Variants in CNTNAP2 observed in about 807,000 individuals in gnomAD.
The protein encoded by CNTNAP2 is contactin associated protein 2.
Under a neutral mutation model 155.2 loss-of-function variants are expected in CNTNAP2, and 98 were observed. That is an observed-to-expected ratio of 0.63 (90% CI 0.54 to 0.75). CNTNAP2 has a LOEUF of 0.75. Among genes scored for constraint, CNTNAP2 ranks in the 30% least tolerant of loss-of-function variants. The pLI is 0.00. For missense variants in CNTNAP2, 1,727 were observed against 1,688.1 expected (o/e 1.02, Z -0.40); for synonymous variants, 651 against 631.2 (o/e 1.03, Z -0.47).
Position 148,101,350 on chromosome 7 carries a change from A to AGTGTGT in CNTNAP2, c.2384-16730_2384-16725dup, listed in dbSNP as rs4015917. 5.2e-3 allele frequency among the ~76,000 whole-genome samples: 752 copies of AGTGTGT among 144,430 alleles called. 6 individuals are homozygous for AGTGTGT. The highest frequency in any genetic ancestry group is 0.016 in the African/African-American group (630 of 38,580). The allele number at this position is 144,430 out of a possible 152,430, so 94.8% of individuals were successfully genotyped here. On this transcript the variant is annotated intron_variant, in intron 15 of 23. Coordinates refer to ENST00000361727, the MANE Select transcript of CNTNAP2 (RefSeq NM_014141.6). Reference sequence around the variant, plus strand: ...ATGGAAGCACAAAACTAAAAAGTTCAGTGTGTGTGTGTGTGTGTGTGTGTG... The same window carrying AGTGTGT: ...ATGGAAGCACAAAACTAAAAAGTTCAGTGTGTGTGTGTGTGTGTGTGTGTGTGTGTG...
intron 8 of CNTNAP2, among the ~76,000 whole-genome samples, chr7:147,211,634 A>G (rs1296336717): frequency 2.0e-5 from 3 of 152,212 alleles, no homozygotes; most frequent in Middle Eastern, 6.8e-3. Context: ...TCTGCCTTTC[A>G]CCATATACAA....
At chr7:148,149,567 A>G (rs1003225877) in intron 17 of CNTNAP2, among the ~76,000 whole-genome samples, 4 of 152,128 alleles carry the variant, frequency 2.6e-5, no homozygotes, top group African/African-American at 4.8e-5. Context: ...GTGTTTTGAG[A>G]TGGAGTCTCA....
At chr7:147,434,810 C>T (rs1306311057) in intron 10 of CNTNAP2, among the ~76,000 whole-genome samples, 2 of 152,212 alleles carry the variant, frequency 1.3e-5, no homozygotes, top group African/African-American at 2.4e-5. Context: ...TGCTATGCTG[C>T]GCAGACTAAG....
intron 13 of CNTNAP2, among the ~76,000 whole-genome samples, chr7:147,669,012 T>C (rs1484939220): frequency 6.6e-6 from 1 of 152,162 alleles, no homozygotes; most frequent in Non-Finnish European, 1.5e-5. Flanking sequence ...TGTTTAGATA[T>C]ACAAACACTT....
intron 18 of CNTNAP2, among the ~76,000 whole-genome samples, chr7:148,203,243 A>G (rs1795394168): frequency 6.6e-6 from 1 of 152,334 alleles, no homozygotes; most frequent in Middle Eastern, 3.4e-3. Flanking sequence ...CTGTGATACC[A>G]TTAATTCATG....
chr7:148,150,102 CAAAA>C (rs71188948), intron 17 of CNTNAP2, among the ~76,000 whole-genome samples: 3,232 of 84,154 alleles, frequency 0.038, 33 homozygotes, highest in East Asian at 0.17. Flanking sequence ...GGGGTTGTTA[CAAAA>C]AAAAAAAAAA....
intron 13 of CNTNAP2, among the ~76,000 whole-genome samples, chr7:147,766,874 G>A (rs1797390795): frequency 6.6e-6 from 1 of 151,958 alleles, no homozygotes; most frequent in African/African-American, 2.4e-5. Flanking sequence ...AGAATTAAAT[G>A]TTTCTACTTT....
At chr7:147,895,830 C>A (rs1015826757) in intron 13 of CNTNAP2, among the ~76,000 whole-genome samples, 3 of 152,312 alleles carry the variant, frequency 2.0e-5, no homozygotes, top group South Asian at 4.1e-4. Context: ...AAATACACAA[C>A]AAATTAATAA....
At chr7:147,947,177 T>A (rs544869874) in intron 14 of CNTNAP2, among the ~76,000 whole-genome samples, 1 of 152,226 alleles carries the variant, frequency 6.6e-6, no homozygotes, top group African/African-American at 2.4e-5. Flanking sequence ...TTGAGAAGAA[T>A]AGATGAAAAG....
intron 1 of CNTNAP2, among the ~76,000 whole-genome samples, chr7:146,234,437 G>C (rs1356139781): frequency 3.9e-5 from 6 of 152,098 alleles, no homozygotes; most frequent in East Asian, 3.9e-4. Flanking sequence ...ATGGTAGTTT[G>C]TTTTGCTGTG....
intron 3 of CNTNAP2, among the ~76,000 whole-genome samples, chr7:146,840,420 TA>T (rs1803698203): frequency 6.6e-6 from 1 of 152,234 alleles, no homozygotes; most frequent in Admixed American, 6.5e-5. Context: ...CATTTGTTCT[TA>T]AAATGTCTCT....
intron 1 of CNTNAP2, among the ~76,000 whole-genome samples, chr7:146,218,285 A>C (rs992813931): frequency 2.0e-5 from 3 of 152,156 alleles, no homozygotes; most frequent in African/African-American, 7.2e-5. Context: ...CGAGGCGGGC[A>C]GATCACGAGG....
At chr7:147,922,906 C>T (rs993681735) in intron 14 of CNTNAP2, among the ~76,000 whole-genome samples, 2 of 152,098 alleles carry the variant, frequency 1.3e-5, no homozygotes, top group Non-Finnish European at 2.9e-5. Flanking sequence ...TATCAACATA[C>T]AAAGAACATT....
intron 15 of CNTNAP2, among the ~76,000 whole-genome samples, chr7:148,103,124 T>C (rs1804138185): frequency 6.6e-6 from 1 of 152,126 alleles, no homozygotes. Flanking sequence ...AGGTATGCGT[T>C]TATCTCAGTG....
chr7:147,073,786 T>C (rs1259213606), intron 4 of CNTNAP2, among the ~76,000 whole-genome samples: 1 of 152,030 alleles, frequency 6.6e-6, no homozygotes, highest in Admixed American at 6.6e-5. Context: ...GTCCAGGAAA[T>C]TAGTAAAATT....
intron 1 of CNTNAP2, among the ~76,000 whole-genome samples, chr7:146,353,494 C>T (rs987429011): frequency 6.6e-6 from 1 of 152,112 alleles, no homozygotes; most frequent in Admixed American, 6.6e-5. Flanking sequence ...TAAAAATCAC[C>T]CATTCAGTGA....
At position 146,426,335 on chromosome 7, in the gene CNTNAP2, G is replaced by T. The variant is rs765795423; in HGVS notation, c.97+309362G>T. On this transcript the variant is annotated intron_variant, in intron 1 of 23. Transcript: ENST00000361727. ...GTGTTGCTGTTTTAGGCTCACGTTT[G>T]CCTCAGTGTCTTTCTGGGGTGTTTC... Among the ~76,000 whole-genome samples, 58 of 150,240 alleles carry T rather than the reference G, an allele frequency of 3.9e-4. 1 individual carries two copies. The highest frequency in any genetic ancestry group is 4.9e-4 in the Non-Finnish European group (33 of 67,710).
chr7:148,224,529 C>T (rs560752569), intron 19 of CNTNAP2, among the ~76,000 whole-genome samples: 7 of 152,134 alleles, frequency 4.6e-5, no homozygotes, highest in Non-Finnish European at 5.9e-5. Context: ...CAGGGCATTG[C>T]AACCGCTATT....
At chr7:147,187,493 A>T (rs974390423) in intron 8 of CNTNAP2, among the ~76,000 whole-genome samples, 1 of 152,148 alleles carries the variant, frequency 6.6e-6, no homozygotes, top group African/African-American at 2.4e-5. Flanking sequence ...CCATTATGCT[A>T]AGTGAACTAA....
Sources: gnomAD v4.1 joint callset for allele counts (sites outside exome capture counted in the v4.1 genomes callset) on GRCh38, gnomAD v4.1.1 for gene constraint, MANE v1.5 for transcripts, NCBI Gene and HGNC (gene_info 2026-07-23, HGNC 2026-07-21) for gene names.